The following MEAK7 variants were observed in gnomAD, a reference collection of about 807,000 sequenced individuals.
The protein encoded by MEAK7 is MTOR-associated protein MEAK7.
A neutral mutation model predicts 40.5 loss-of-function variants in MEAK7; 68 were observed. That is an observed-to-expected ratio of 1.68 (90% CI 1.38 to 2.06). The LOEUF is 2.06. Ranked by LOEUF, MEAK7 falls within the 30% of genes most tolerant of loss-of-function variation. The pLI is 0.00. For synonymous variants in MEAK7, 338 were observed against 231.9 expected, an observed-to-expected ratio of 1.46 and a Z score of -4.16; for missense variants, 918 against 580.5, an observed-to-expected ratio of 1.58 and a Z score of -5.98.
Position 84,486,950 on chromosome 16 carries a change from G to C in MEAK7, c.639C>G (p.Val213=). Reference sequence around the variant, plus strand: ...ACAGGATGAGAAAGCCCTTGCAAATGACCACACTCAGGAATATGGCCACAT... The same window carrying C: ...ACAGGATGAGAAAGCCCTTGCAAATCACCACACTCAGGAATATGGCCACAT... The part of the protein sequence containing the change: ...VPHVAIFLSV[V]ICKGFLILCS... The change falls in exon 5 of 8, where the codon GTC becomes GTG. Residue 213 remains valine (V), a synonymous_variant. Coordinates refer to ENST00000343629, the MANE Select transcript of MEAK7 (RefSeq NM_020947.4). 6.2e-7 allele frequency: 1 copy of C among 1,614,152 alleles called. No homozygotes were observed. The highest frequency in any genetic ancestry group is 8.5e-7 in the Non-Finnish European group (1 of 1,180,034).
intron 1 of MEAK7, among the ~76,000 whole-genome samples, chr16:84,500,189 A>T (rs1169378893): frequency 6.6e-6 from 1 of 152,074 alleles, no homozygotes; most frequent in African/African-American, 2.4e-5. Flanking sequence ...GTATGGATGG[A>T]CCACCTTTTG....
At chr16:84,492,636 C>T (rs1189630263) in intron 3 of MEAK7, among the ~76,000 whole-genome samples, 1 of 151,790 alleles carries the variant, frequency 6.6e-6, no homozygotes, top group Non-Finnish European at 1.5e-5. Context: ...GGCTAGAGTG[C>T]AGTGGCACAA....
chr16:84,494,320 A>T (rs1913866585), intron 3 of MEAK7, among the ~76,000 whole-genome samples: 1 of 152,240 alleles, frequency 6.6e-6, no homozygotes, highest in Admixed American at 6.5e-5. Context: ...ATTGGATTCT[A>T]GCTTTGACCA....
intron 2 of MEAK7, among the ~76,000 whole-genome samples, chr16:84,496,445 CCT>C (rs1914056507): frequency 6.6e-6 from 1 of 152,170 alleles, no homozygotes; most frequent in Non-Finnish European, 1.5e-5. Context: ...TACAGGGGAG[CCT>C]CTTCCTTCCG....
chr16:84,484,290 C>A (rs895279034), intron 5 of MEAK7, among the ~76,000 whole-genome samples: 12 of 152,208 alleles, frequency 7.9e-5, no homozygotes, highest in Admixed American at 7.8e-4. Flanking sequence ...GTGACACCAA[C>A]AACGAGGACT....
intron 4 of MEAK7, chr16:84,487,757 C>G (rs1056666477): frequency 6.6e-6 from 1 of 152,276 alleles, no homozygotes; most frequent in Non-Finnish European, 1.5e-5. Context: ...GAGCACACAC[C>G]TGGGACTCGA....
At position 84,503,216 on chromosome 16, in the gene MEAK7, A is replaced by G. The variant is rs1343798555; in HGVS notation, c.-26+1385T>C. Among the ~76,000 whole-genome samples, 6 of 147,484 alleles carry G rather than the reference A, an allele frequency of 4.1e-5. No homozygotes were observed. The East Asian group carries it at 6.0e-4, about 15-fold the overall frequency. On this transcript the variant is annotated intron_variant, in intron 1 of 7. Coordinates refer to ENST00000343629, the MANE Select transcript of MEAK7 (RefSeq NM_020947.4). ...TATCTACATATATGGTAAAAAAAAA[A>G]TCTCATGTTTTAAGAAAGCTTATGA... is the stretch of plus-strand genomic sequence containing the variant.
rs778559749 is a variant in MEAK7, at chr16:84,486,803, C to A, written c.786G>T (p.Gln262His). Residue 262 changes from glutamine (Q) to histidine (H), a missense_variant, in exon 5 of 8, where the codon CAG (glutamine) becomes CAT (histidine). Coordinates refer to ENST00000343629, the MANE Select transcript of MEAK7 (RefSeq NM_020947.4). Reference sequence around the variant, plus strand: ...AAAAGAGCAGGCACCAGCGGTGCCGCTGCTCCCGAGGCAGCTGGGCGTTGA... The same window carrying A: ...AAAAGAGCAGGCACCAGCGGTGCCGATGCTCCCGAGGCAGCTGGGCGTTGA... ...MYINAQLPRE[Q>H]RHRWCLLFSS... 8.1e-6 allele frequency: 13 copies of A among 1,613,934 alleles called. No individual in the cohort carries two copies. In the Admixed American group the frequency reaches 8.3e-5, roughly 10 times the overall value.
At chr16:84,487,121 A>G (rs1272318517) in intron 4 of MEAK7, 62 bp from the exon 5 acceptor site, 2 of 1,514,018 alleles carry the variant, frequency 1.3e-6, no homozygotes, top group Non-Finnish European at 1.8e-6. Context: ...CTACTATCTA[A>G]ACCCACACTG....
At chr16:84,501,105 G>GAAAAAAAAAAAAAAAAAAAAAA (rs35447624) in intron 1 of MEAK7, among the ~76,000 whole-genome samples, 4 of 103,638 alleles carry the variant, frequency 3.9e-5, no homozygotes, top group African/African-American at 7.7e-5. Context: ...AAAAAAAAAA[G>GAAAAAAAAAAAAAAAAAAAAAA]AAAAAAAAAA....
Position 84,486,382 on chromosome 16 carries a change from C to T in MEAK7, c.958+249G>A, listed in dbSNP as rs559567888. ...CTTGACTTCTCCCACGCCCCATAGA[C>T]CCGGCACCGTGTAATAACTGGGCCC... On this transcript the variant is annotated intron_variant, in intron 5 of 7. Coordinates refer to ENST00000343629, the MANE Select transcript of MEAK7 (RefSeq NM_020947.4). 5 of 1,229,692 alleles carry T rather than the reference C, an allele frequency of 4.1e-6. No individual in the cohort carries two copies. The African/African-American group carries it at 7.6e-5, about 19-fold the overall frequency. The allele number at this position is 1,229,692 out of a possible 1,614,324, so 76.2% of individuals were successfully genotyped here.
At chr16:84,490,275 T>TG (rs531659615) in intron 3 of MEAK7, among the ~76,000 whole-genome samples, 1,648 of 117,068 alleles carry the variant, frequency 0.014, 16 homozygotes, top group South Asian at 0.028. Flanking sequence ...TTCCCATAGC[T>TG]GGGGGAAAAA....
In MEAK7 at chr16:84,480,000, A is replaced by G. The variant is rs927857673; in HGVS notation, c.1284T>C (p.Asp428=). 1.2e-6 allele frequency: 2 copies of G among 1,607,656 alleles called. No homozygotes were observed. The highest frequency in any genetic ancestry group is 2.7e-5 in the African/African-American group (2 of 74,742). The change falls in exon 8 of 8, where the codon GAT becomes GAC. Residue 428 remains aspartate, a synonymous_variant. Coordinates refer to ENST00000343629, the MANE Select transcript of MEAK7 (RefSeq NM_020947.4). ...GCAGGGCCTGGGCCTCAGGGTCCGC[A>G]TCCAGGATGCTCTTGTTGCCCTTGG... ...QLAKGNKSIL[D]ADPEAQALLE...
chr16:84,503,940 A>G (rs1597980882), intron 1 of MEAK7: 1 of 985,544 alleles, frequency 1.0e-6, no homozygotes, highest in Non-Finnish European at 1.2e-6. Context: ...CTAGAGCCAC[A>G]CAAGGGTCCC....
intron 1 of MEAK7, among the ~76,000 whole-genome samples, chr16:84,499,279 T>C (rs1313592223): frequency 6.6e-6 from 1 of 152,210 alleles, no homozygotes; most frequent in Non-Finnish European, 1.5e-5. Context: ...TGACTGTTAA[T>C]TCCTGGCCCT....
chr16:84,497,002 G>A (rs184122220), intron 2 of MEAK7: 11 of 168,928 alleles, frequency 6.5e-5, no homozygotes, highest in African/African-American at 2.4e-4. Flanking sequence ...CTTGGGCTCA[G>A]CATGTATTTT....
chr16:84,481,685 G>T (rs934247800), intron 6 of MEAK7, among the ~76,000 whole-genome samples: 6 of 152,196 alleles, frequency 3.9e-5, no homozygotes, highest in African/African-American at 1.4e-4. Flanking sequence ...TGTAATCCCA[G>T]CACTTTAGGA....
chr16:84,500,733 G>A (rs905417702), intron 1 of MEAK7, among the ~76,000 whole-genome samples: 1 of 152,256 alleles, frequency 6.6e-6, no homozygotes, highest in East Asian at 1.9e-4. Flanking sequence ...TCCAGCGGCA[G>A]GCGGCTGTCC....
chr16:84,483,117 C>G (rs946376884), intron 5 of MEAK7, among the ~76,000 whole-genome samples: 1 of 152,216 alleles, frequency 6.6e-6, no homozygotes, highest in Non-Finnish European at 1.5e-5. Flanking sequence ...AGGCAAGTGA[C>G]GCTGCGTAGT....
Sources: allele counts gnomAD v4.1 joint callset (sites outside exome capture counted in the v4.1 genomes callset), GRCh38; gene constraint gnomAD v4.1.1; transcripts MANE v1.5; gene names NCBI Gene and HGNC (gene_info 2026-07-23, HGNC 2026-07-21).